Variants in PCYT1A observed in about 807,000 individuals in gnomAD.
The protein encoded by PCYT1A is phosphate cytidylyltransferase 1A, choline, also known as choline-phosphate cytidylyltransferase A.
In PCYT1A, 25 loss-of-function variants were observed where a neutral mutation model predicts 43.7. The observed-to-expected ratio is 0.57, with a 90% CI of 0.42 to 0.80. The LOEUF (loss-of-function observed/expected upper bound fraction) is 0.80. Among genes scored for constraint, PCYT1A ranks in the 30% least tolerant of loss-of-function variants. The pLI, the probability that PCYT1A is intolerant of heterozygous loss-of-function variation, is 0.00. For synonymous variants in PCYT1A, 172 were observed against 170.7 expected, an observed-to-expected ratio of 1.01 and a Z score of -0.06; for missense variants, 421 against 474.2, an observed-to-expected ratio of 0.89 and a Z score of 1.04.
At chr3:196,253,336 C>CAAAAAAAA (rs60342446) in intron 3 of PCYT1A, among the ~76,000 whole-genome samples, 4 of 105,970 alleles carry the variant, frequency 3.8e-5, no homozygotes, top group Non-Finnish European at 3.8e-5. Context: ...GACTCTGTCT[C>CAAAAAAAA]AAAAAAAAAA....
chr3:196,241,585 A>C (rs1560161312), intron 7 of PCYT1A: 1 of 1,305,622 alleles, frequency 7.7e-7, no homozygotes, highest in African/African-American at 1.5e-5. Flanking sequence ...GTCGGGTGTC[A>C]CTATCCACAC....
rs376840696 is a variant in PCYT1A at position 196,244,481 on chromosome 3, G to A, written c.487-1841C>T. ...CGACCCGGTCTGGGAAGTGAGGAGC[G>A]TCTCCGCCCGGCAGCCACCCCGTCC... is the stretch of plus-strand genomic sequence containing the variant. On this transcript the variant is annotated intron_variant, in intron 5 of 8. Transcript: ENST00000431016. 1.8e-3 allele frequency among the ~76,000 whole-genome samples: 272 copies of A among 148,706 alleles called. 1 individual carries two copies. The highest frequency in any genetic ancestry group is 5.7e-3 in the African/African-American group (230 of 40,208).
chr3:196,263,672 C>T (rs1725182227), intron 2 of PCYT1A, among the ~76,000 whole-genome samples: 1 of 152,060 alleles, frequency 6.6e-6, no homozygotes, highest in African/African-American at 2.4e-5. Flanking sequence ...CTTGCTCTGT[C>T]GCCAGGCTGG....
intron 2 of PCYT1A, among the ~76,000 whole-genome samples, chr3:196,258,697 C>G (rs1383609901): frequency 6.6e-6 from 1 of 151,994 alleles, no homozygotes; most frequent in Non-Finnish European, 1.5e-5. Context: ...AAGTGATCCT[C>G]CCACCTCAGC....
At chr3:196,270,800 A>G (rs533909197) in intron 1 of PCYT1A, among the ~76,000 whole-genome samples, 5 of 152,326 alleles carry the variant, frequency 3.3e-5, no homozygotes, top group African/African-American at 9.6e-5. Flanking sequence ...TCCCCCTCAC[A>G]GTGCAGCCTA....
intron 2 of PCYT1A, among the ~76,000 whole-genome samples, chr3:196,259,908 A>ATT (rs1356995887): frequency 2.7e-5 from 3 of 111,072 alleles, no homozygotes; most frequent in Non-Finnish European, 5.5e-5. Flanking sequence ...AAATGGAAAC[A>ATT]TTCTTTTTTT....
chr3:196,270,466 G>T lies in PCYT1A; in HGVS notation c.66C>A (p.Asn22Lys). ...GAACCCCATCTTCTTCTGTTGCCCC[G>T]TTGGGTCCGGGCGCCTCTTTTCTCC... ...RKRRKEAPGP[N>K]GATEEDGVPS... is the part of the protein sequence containing the mutation. The change falls in exon 2 of 9, where the codon AAC becomes AAA. Residue 22 changes from asparagine (N) to lysine (K), a missense_variant. Coordinates refer to ENST00000431016, the MANE Select transcript of PCYT1A (RefSeq NM_001312673.2). 2 of 1,614,076 alleles carry T rather than the reference G, an allele frequency of 1.2e-6. No homozygotes were observed. Among genetic ancestry groups the T allele is most frequent in the Non-Finnish European group, 1.7e-6 (2 of 1,179,956 alleles).
chr3:196,251,512 T>C lies in PCYT1A; in HGVS notation c.218-3189A>G, dbSNP rs190875301. 419 of 152,958 alleles carry C rather than the reference T, an allele frequency of 2.7e-3. 1 individual carries two copies. Among genetic ancestry groups the C allele is most frequent in the Non-Finnish European group, 4.7e-3 (321 of 68,176 alleles). The allele number at this position is 152,958 out of a possible 1,614,324, so 9.5% of individuals were successfully genotyped here. A position where few individuals can be genotyped will look rare whatever the true frequency, so the allele number is the denominator to read the frequency against. On this transcript the variant is annotated intron_variant, in intron 3 of 8. Coordinates refer to ENST00000431016, the MANE Select transcript of PCYT1A (RefSeq NM_001312673.2). The stretch of plus-strand genomic sequence containing the variant: ...AAGTAGATTTTAAACCAAGAAATCA[T>C]ACACTGCTGAAAGGAGTATCAGCAA...
intron 1 of PCYT1A, among the ~76,000 whole-genome samples, chr3:196,286,641 G>A (rs1352011845): frequency 6.6e-6 from 1 of 152,148 alleles, no homozygotes; most frequent in Non-Finnish European, 1.5e-5. Context: ...CAGGCCAGGC[G>A]CGGTGGCTCA....
At chr3:196,241,489 A>T (rs576992051) in intron 7 of PCYT1A, 1 of 1,286,480 alleles carries the variant, frequency 7.8e-7, no homozygotes, top group South Asian at 1.2e-5. Flanking sequence ...AAATATATAG[A>T]GTTTCTAAAA....
In PCYT1A at chr3:196,250,285, G is replaced by A. The variant is rs559597249; in HGVS notation, c.218-1962C>T. ...AGGACCAGATACACCATGCCGAGGC[G>A]AGGACCAGATACACTATGCTGAGGC... is the stretch of plus-strand genomic sequence containing the variant. On this transcript the variant is annotated intron_variant, in intron 3 of 8. Transcript: ENST00000431016. Among the ~76,000 whole-genome samples, 14 of 143,626 alleles carry A rather than the reference G, an allele frequency of 9.7e-5. 1 individual carries two copies. The South Asian group carries it at 1.2e-3, about 12-fold the overall frequency. 94.2% of individuals were successfully genotyped at this position (143,626 alleles called of 152,430 possible). A position where few individuals can be genotyped will look rare whatever the true frequency, so the allele number is the denominator to read the frequency against.
intron 1 of PCYT1A, among the ~76,000 whole-genome samples, chr3:196,274,903 G>T (rs1725543360): frequency 1.3e-5 from 2 of 151,944 alleles, no homozygotes; most frequent in Admixed American, 6.6e-5. Context: ...ATGGAAGAAG[G>T]GTTCTATACA....
chr3:196,266,853 G>A (rs1430120138), intron 2 of PCYT1A, among the ~76,000 whole-genome samples: 2 of 151,966 alleles, frequency 1.3e-5, no homozygotes, highest in Non-Finnish European at 2.9e-5. Context: ...TTCCAGCCTG[G>A]GCAACAGAGT....
chr3:196,270,542 C>G lies in PCYT1A; in HGVS notation c.-10-1G>C. The G allele has an allele frequency of 6.2e-7, 1 of 1,600,790 alleles. No homozygotes were observed. The highest frequency in any genetic ancestry group is 8.6e-7 in the Non-Finnish European group (1 of 1,167,938). ...ACACTGTGCATCCATCTTCTTTTAA[C>G]TGGTCATAGAAAGTGAAAACAAAAA... On this transcript the variant is annotated splice_acceptor_variant, in intron 1 of 8. Transcript: ENST00000431016. LOFTEE classifies it low-confidence loss of function (5UTR_SPLICE).
chr3:196,242,162 T>G lies in PCYT1A; in HGVS notation c.566-72A>C. The G allele has an allele frequency of 6.8e-7, 1 of 1,465,652 alleles. No individual in the cohort carries two copies. Among genetic ancestry groups the G allele is most frequent in the Non-Finnish European group, 9.5e-7 (1 of 1,052,024 alleles). The allele number at this position is 1,465,652 out of a possible 1,614,324, so 90.8% of individuals were successfully genotyped here. On this transcript the variant is annotated intron_variant, in intron 6 of 8. Transcript: ENST00000431016. This position sits in a 1 kb window ranked among gnomAD's most constrained non-coding sequence, Gnocchi z 4.2. ...CTCAGGTATTAAGACTAAATGGAAA[T>G]TGGGGGCAACATTCCTTTCCTTTCC...
chr3:196,264,206 T>C lies in PCYT1A; in HGVS notation c.117+6209A>G, dbSNP rs368769498. 3.9e-5 allele frequency among the ~76,000 whole-genome samples: 6 copies of C among 152,274 alleles called. No individual in the cohort carries two copies. The East Asian group carries it at 5.8e-4, about 15-fold the overall frequency. On this transcript the variant is annotated intron_variant, in intron 2 of 8. Transcript: ENST00000431016. ...CTCTTAACACCTTTTGTCCTTCATA[T>C]CTCAGTAATCTCCAAGAACTGTCCA...
At chr3:196,241,158 A>ACCC (rs1375573243) in intron 7 of PCYT1A, among the ~76,000 whole-genome samples, 3 of 119,132 alleles carry the variant, frequency 2.5e-5, no homozygotes, top group African/African-American at 9.3e-5. Context: ...AAAAAAAAAA[A>ACCC]AAAAATTAGC....
intron 5 of PCYT1A, among the ~76,000 whole-genome samples, chr3:196,246,811 T>G (rs780931657): frequency 7.9e-5 from 12 of 152,174 alleles, no homozygotes; most frequent in African/African-American, 1.7e-4. Context: ...GGGGGGAAGG[T>G]CTCGTAACTG....
chr3:196,256,443 T>C (rs1240144799), intron 3 of PCYT1A, among the ~76,000 whole-genome samples: 1 of 151,900 alleles, frequency 6.6e-6, no homozygotes, highest in Non-Finnish European at 1.5e-5. Flanking sequence ...TGAGCCAAGA[T>C]TGTGCCACTG....
Sources: gnomAD v4.1 joint callset for allele counts (sites outside exome capture counted in the v4.1 genomes callset) on GRCh38, gnomAD v4.1.1 for gene constraint, Gnocchi (gnomAD v3.1) non-coding constraint, MANE v1.5 for transcripts, NCBI Gene and HGNC (gene_info 2026-07-23, HGNC 2026-07-21) for gene names.